The following NOTCH4 variants were observed in gnomAD, a reference collection of about 807,000 sequenced individuals.
NOTCH4 encodes the protein neurogenic locus notch homolog protein 4.
NOTCH4 carries 138 observed loss-of-function variants against 189.0 expected under a neutral mutation model. The ratio of observed to expected loss-of-function variants is 0.73; its 90% confidence interval spans 0.64 to 0.84. The LOEUF (loss-of-function observed/expected upper bound fraction) is 0.84. NOTCH4 is among the 40% of genes least tolerant of loss of function. NOTCH4 has a pLI of 0.00. For missense variants in NOTCH4, 2,286 were observed against 2,605.4 expected (o/e 0.88, Z 2.67); for synonymous variants, 942 against 1,032.8 (o/e 0.91, Z 1.69).
Position 32,202,449 on chromosome 6 carries a change from G to A in NOTCH4, c.3382C>T (p.Pro1128Ser), listed in dbSNP as rs1182280876. Residue 1128 changes from proline (P) to serine (S), a missense_variant, in exon 21 of 30, where the codon CCA (proline) becomes TCA (serine). Physicochemically the swap from Pro to Ser is moderately conservative, Grantham distance 74. Coordinates refer to ENST00000375023, the MANE Select transcript of NOTCH4 (RefSeq NM_004557.4). This position sits in a 1 kb window ranked among gnomAD's most constrained non-coding sequence, Gnocchi z 5.7. ...SGYGGPDCLTPPAPKGCGPPS... is the reference protein window; with the variant it reads ...SGYGGPDCLTSPAPKGCGPPS... ...GGGCCACAGCCTTTAGGAGCTGGTG[G>A]GGTCAGGCAGTCAGGACCCCCATAG... The A allele has an allele frequency of 6.2e-7, 1 of 1,612,186 alleles. No homozygotes were observed. Among genetic ancestry groups the A allele is most frequent in the African/African-American group, 1.3e-5 (1 of 74,904 alleles).
intron 18 of NOTCH4, among the ~76,000 whole-genome samples, chr6:32,205,980 T>A (rs112126052): frequency 0.053 from 8,059 of 151,862 alleles, 261 homozygotes; most frequent in African/African-American, 0.076. Flanking sequence ...GAGGTTGCAG[T>A]GAGCTGAGAT....
At position 32,195,722 on chromosome 6, in the gene NOTCH4, C is replaced by T. The variant is rs1582760731; in HGVS notation, c.5727G>A (p.Pro1909=). ...SLSGVGAGGG[P]TPRGRRFSAG... ...CAGAAAACCTACGGCCGCGAGGGGT[C>T]GGGCCTCCTCCTGCTCCTACTCCCG... The change falls in exon 30 of 30, where the codon CCG becomes CCA. Residue 1909 remains proline, a synonymous_variant. Coordinates refer to ENST00000375023, the MANE Select transcript of NOTCH4 (RefSeq NM_004557.4). This position sits in a 1 kb window ranked among gnomAD's most constrained non-coding sequence, Gnocchi z 5.4. 3 of 1,612,812 alleles carry T rather than the reference C, an allele frequency of 1.9e-6. No homozygotes were observed. The highest frequency in any genetic ancestry group is 2.5e-6 in the Non-Finnish European group (3 of 1,179,920).
Position 32,202,250 on chromosome 6 carries a change from G to C in NOTCH4, c.3581C>G (p.Pro1194Arg), listed in dbSNP as rs746443332. The C allele has an allele frequency of 6.4e-7, 1 of 1,572,252 alleles. No individual in the cohort carries two copies. Among genetic ancestry groups the C allele is most frequent in the Non-Finnish European group, 8.7e-7 (1 of 1,154,126 alleles). Residue 1194 changes from proline (P) to arginine (R), a missense_variant, in exon 21 of 30, where the codon CCG becomes CGG. Pro to Arg is a moderately radical substitution (Grantham distance 103). Transcript: ENST00000375023. This position sits in a 1 kb window ranked among gnomAD's most constrained non-coding sequence, Gnocchi z 5.7. ...DGACDAGCSG[P>R]GGNWDGGDCS... ...GTCCCCTCCATCCCAGTTTCCTCCC[G>C]GGCCACTGCAGCCAGCATCGCAGGC...
At position 32,206,034 on chromosome 6, in the gene NOTCH4, CT is replaced by C. The variant is rs1223174993; in HGVS notation, c.2866-1646del. On this transcript the variant is annotated intron_variant, in intron 18 of 29. Coordinates refer to ENST00000375023, the MANE Select transcript of NOTCH4 (RefSeq NM_004557.4). Reference sequence around the variant, plus strand: ...CCTGAGTGACAGAGCAAGACTCTGTCTCAAAAAAAAAAAGCTGTGGTTCTAT... The same window carrying C: ...CCTGAGTGACAGAGCAAGACTCTGTCCAAAAAAAAAAAGCTGTGGTTCTAT... 4.0e-5 allele frequency among the ~76,000 whole-genome samples: 6 copies of C among 148,192 alleles called. No homozygotes were observed. The East Asian group carries it at 1.2e-3, about 30-fold the overall frequency.
In NOTCH4 at chr6:32,201,187, G is replaced by C; in HGVS notation, c.4069C>G (p.Pro1357Ala). 1 of 1,612,900 alleles carries C rather than the reference G, an allele frequency of 6.2e-7. No individual in the cohort carries two copies. The highest frequency in any genetic ancestry group is 1.3e-5 in the African/African-American group (1 of 75,014). The change falls in exon 22 of 30, where the codon CCC (proline) becomes GCC (alanine). Residue 1357 changes from proline to alanine, a missense_variant. Pro to Ala is a conservative substitution (Grantham distance 27). Around this residue, in one of 2 missense-constraint regions of NOTCH4, gnomAD observed 1,903 missense variants for 2,261.9 expected, o/e 0.84. Coordinates refer to ENST00000375023, the MANE Select transcript of NOTCH4 (RefSeq NM_004557.4). The surrounding 1 kb of genome is among the most constrained non-coding windows in gnomAD (Gnocchi z 5.5). Reference protein sequence around the residue: ...AEEKLGGTRDPTYQERAAPQT... With the variant: ...AEEKLGGTRDATYQERAAPQT... ...GGGGCTGCTCTCTCCTGATAGGTGGGGTCCCGAGTTCCTCCTAGCTTTTCT... is the reference window on the plus strand; with the variant it reads ...GGGGCTGCTCTCTCCTGATAGGTGGCGTCCCGAGTTCCTCCTAGCTTTTCT...
chr6:32,212,194 C>G lies in NOTCH4; in HGVS notation c.2680+280G>C, dbSNP rs562278168. Among the ~76,000 whole-genome samples the G allele has an allele frequency of 6.6e-6, 1 of 152,128 alleles. No individual in the cohort carries two copies. The highest frequency in any genetic ancestry group is 1.9e-4 in the East Asian group (1 of 5,194). ...ATCAGGACAGAGTTGAGTTGCTCCACGTTGAGTCATGTCCCTCATGGTTGG... is the reference window on the plus strand; with the variant it reads ...ATCAGGACAGAGTTGAGTTGCTCCAGGTTGAGTCATGTCCCTCATGGTTGG... On this transcript the variant is annotated intron_variant, in intron 17 of 29. Coordinates refer to ENST00000375023, the MANE Select transcript of NOTCH4 (RefSeq NM_004557.4). The surrounding 1 kb of genome is among the most constrained non-coding windows in gnomAD (Gnocchi z 4.4).
Position 32,195,933 on chromosome 6 carries a change from G to C in NOTCH4, c.5516C>G (p.Pro1839Arg). Residue 1839 changes from proline to arginine, a missense_variant, in exon 30 of 30, where the codon CCC becomes CGC. By Grantham distance (103) the Pro-to-Arg change is moderately radical. Coordinates refer to ENST00000375023, the MANE Select transcript of NOTCH4 (RefSeq NM_004557.4). This position sits in a 1 kb window ranked among gnomAD's most constrained non-coding sequence, Gnocchi z 5.4. ...HKATPGREAG[P>R]FPRARTVSVS... is the part of the protein sequence containing the mutation. ...TGACACCGTCCGTGCGCGCGGGAAG[G>C]GCCCAGCCTCGCGGCCCGGCGTGGC... The C allele has an allele frequency of 6.3e-7, 1 of 1,588,964 alleles. No individual in the cohort carries two copies. Among genetic ancestry groups the C allele is most frequent in the Non-Finnish European group, 8.5e-7 (1 of 1,175,000 alleles).
chr6:32,201,429 T>C lies in NOTCH4; in HGVS notation c.3827A>G (p.Glu1276Gly). The C allele has an allele frequency of 6.5e-7, 1 of 1,546,994 alleles. No individual in the cohort carries two copies. Among genetic ancestry groups the C allele is most frequent in the Non-Finnish European group, 8.7e-7 (1 of 1,148,510 alleles). Residue 1276 changes from glutamate (E) to glycine (G), a missense_variant, in exon 22 of 30, where the codon GAG (glutamate) becomes GGG (glycine). Transcript: ENST00000375023. This position sits in a 1 kb window ranked among gnomAD's most constrained non-coding sequence, Gnocchi z 5.5. ...GHCEKGCNTA[E>G]CGWDGGDCRP... is the part of the protein sequence containing the mutation. ...GCAGTCACCTCCATCCCAGCCACAC[T>C]CTGCAGTGTTGCAGCCTTTCTCACA...
chr6:32,213,683 C>G lies in NOTCH4; in HGVS notation c.2320+5G>C. On this transcript the variant is annotated splice_donor_5th_base_variant and intron_variant, in intron 14 of 29. Transcript: ENST00000375023. ...CCCCAGCCCCATGACACAGTGGGCA[C>G]TCACCAGACACACAGTAGTCAGTGC... The G allele has an allele frequency of 6.2e-7, 1 of 1,612,726 alleles. No homozygotes were observed. Among genetic ancestry groups the G allele is most frequent in the Admixed American group, 1.7e-5 (1 of 59,998 alleles).
chr6:32,218,198 C>T, intron 8 of NOTCH4, 90 bp from the exon 9 acceptor site: 1 of 816,880 alleles, frequency 1.2e-6, no homozygotes, highest in Non-Finnish European at 2.1e-6. Flanking sequence ...CTGACTTGCC[C>T]CACTCAGGCG....
rs971761807 is a variant in NOTCH4 at position 32,194,957 on chromosome 6, G to A, written c.*480C>T. The stretch of plus-strand genomic sequence containing the variant: ...AGTGGAGTTCTTTGTTGTGAGGGGA[G>A]GGAATGCAAGGAGTCATCAGCGGGG... On this transcript the variant is annotated 3_prime_UTR_variant, in exon 30 of 30. Transcript: ENST00000375023. This position sits in a 1 kb window ranked among gnomAD's most constrained non-coding sequence, Gnocchi z 4.5. The A allele has an allele frequency of 8.0e-5, 19 of 237,034 alleles. No homozygotes were observed. Among genetic ancestry groups the A allele is most frequent in the Non-Finnish European group, 1.5e-4 (18 of 120,792 alleles). 14.7% of individuals were successfully genotyped at this position (237,034 alleles called of 1,614,324 possible).
chr6:32,196,654 G>A (rs1787951280), intron 28 of NOTCH4, among the ~76,000 whole-genome samples: 1 of 152,260 alleles, frequency 6.6e-6, no homozygotes, highest in Middle Eastern at 3.4e-3. Flanking sequence ...CCGGGAGACA[G>A]TCTCCCCCCA....
rs900740951 is a variant in NOTCH4 at position 32,197,032 on chromosome 6, G to A, written c.5093C>T (p.Thr1698Ile). The change falls in exon 28 of 30, where the codon ACA becomes ATA. Residue 1698 changes from threonine to isoleucine, a missense_variant. By Grantham distance (89) the Thr-to-Ile change is moderately conservative. Coordinates refer to ENST00000375023, the MANE Select transcript of NOTCH4 (RefSeq NM_004557.4). ...CATCAAGGGTGTGGTCCCGTCCTCT[G>A]TGCGAGCGTCCACTGCAGTTTGTCT... ...RSRQTAVDARTEDGTTPLMLA... is the reference protein window; with the variant it reads ...RSRQTAVDARIEDGTTPLMLA... 10 of 1,612,756 alleles carry A rather than the reference G, an allele frequency of 6.2e-6. No homozygotes were observed. Among genetic ancestry groups the A allele is most frequent in the Non-Finnish European group, 8.5e-6 (10 of 1,180,022 alleles).
Position 32,195,434 on chromosome 6 carries a change from C to A in NOTCH4, c.*3G>T, listed in dbSNP as rs1787801256. The A allele has an allele frequency of 6.3e-7, 1 of 1,578,014 alleles. No individual in the cohort carries two copies. Among genetic ancestry groups the A allele is most frequent in the Admixed American group, 1.8e-5 (1 of 54,868 alleles). ...TTGGAATTCCTCCCTACCATGTATT[C>A]TTCTATTTTTTACCCTCTCCTCCTT... is the stretch of plus-strand genomic sequence containing the variant. On this transcript the variant is annotated 3_prime_UTR_variant, in exon 30 of 30. Transcript: ENST00000375023. This position sits in a 1 kb window ranked among gnomAD's most constrained non-coding sequence, Gnocchi z 5.4.
In NOTCH4 at chr6:32,221,038, C is replaced by G. The variant is rs8192586; in HGVS notation, c.739G>C (p.Gly247Arg). ...TTCTCTGGCATCAGCTGGCAGGTGC[C>G]CCCATTCGAACAGCCCCTAGGAGGG... Reference protein sequence around the residue: ...PCPPRGCSNGGTCQLMPEKDS... With the variant: ...PCPPRGCSNGRTCQLMPEKDS... Residue 247 changes from glycine (G) to arginine (R), a missense_variant, in exon 4 of 30, where the codon GGC becomes CGC. By Grantham distance (125) the Gly-to-Arg change is moderately radical. This residue lies in a region of NOTCH4 where 1,903 missense variants were observed against 2,261.9 expected (regional missense o/e 0.84). Transcript: ENST00000375023. The surrounding 1 kb of genome is among the most constrained non-coding windows in gnomAD (Gnocchi z 4.3). 2.4e-3 allele frequency: 3,942 copies of G among 1,610,794 alleles called. 26 individuals are homozygous for G. Among genetic ancestry groups the G allele is most frequent in the African/African-American group, 0.017 (1,240 of 74,948 alleles).
At chr6:32,196,601 T>G (rs1399247477) in intron 28 of NOTCH4, among the ~76,000 whole-genome samples, 180 bp from the exon 29 acceptor site, 1 of 152,024 alleles carries the variant, frequency 6.6e-6, no homozygotes, top group Non-Finnish European at 1.5e-5. Context: ...ACGTCACCAG[T>G]GCGCGGGAGG....
At position 32,200,948 on chromosome 6, in the gene NOTCH4, G is replaced by A. The variant is rs1311075766; in HGVS notation, c.4198C>T (p.Arg1400Cys). The A allele has an allele frequency of 3.7e-6, 6 of 1,604,816 alleles. No individual in the cohort carries two copies. The highest frequency in any genetic ancestry group is 5.1e-6 in the Non-Finnish European group (6 of 1,175,958). ...AGAAGCCCAGGGTCCCAGGGACAGC[G>A]GGATGCCGGGTGGTCAGGGCCACAG... ...SRCGPDHPASRCPWDPGLLLR... is the reference protein window; with the variant it reads ...SRCGPDHPASCCPWDPGLLLR... Residue 1400 changes from arginine (R) to cysteine (C), a missense_variant, in exon 23 of 30, where the codon CGC becomes TGC. This residue lies in a region of NOTCH4 where 1,903 missense variants were observed against 2,261.9 expected (regional missense o/e 0.84). Coordinates refer to ENST00000375023, the MANE Select transcript of NOTCH4 (RefSeq NM_004557.4). This position sits in a 1 kb window ranked among gnomAD's most constrained non-coding sequence, Gnocchi z 5.0.
At position 32,222,610 on chromosome 6, in the gene NOTCH4, G is replaced by A. The variant is rs1344775133; in HGVS notation, c.352C>T (p.Leu118Phe). The A allele has an allele frequency of 1.2e-6, 2 of 1,603,258 alleles. No individual in the cohort carries two copies. Among genetic ancestry groups the A allele is most frequent in the Non-Finnish European group, 1.7e-6 (2 of 1,176,752 alleles). ...AAGGAGGGAGGACAAGGGTCTTCAA[G>A]CTTGGCCTGGCATCTCTCACCAGTG... Reference protein sequence around the residue: ...GFTGERCQAKLEDPCPPSFCS... With the variant: ...GFTGERCQAKFEDPCPPSFCS... Residue 118 changes from leucine to phenylalanine, a missense_variant, in exon 3 of 30, where the codon CTT (leucine) becomes TTT (phenylalanine). Around this residue, in one of 2 missense-constraint regions of NOTCH4, gnomAD observed 1,903 missense variants for 2,261.9 expected, o/e 0.84. Coordinates refer to ENST00000375023, the MANE Select transcript of NOTCH4 (RefSeq NM_004557.4).
At chr6:32,203,914 A>G (rs771024466) in intron 19 of NOTCH4, 32 bp from the exon 20 acceptor site, 1 of 1,524,618 alleles carries the variant, frequency 6.6e-7, no homozygotes, top group Non-Finnish European at 8.9e-7. Context: ...GATGTCACAC[A>G]CTGCATCAGT....
Sources: gnomAD v4.1 joint callset for allele counts (sites outside exome capture counted in the v4.1 genomes callset) on GRCh38, gnomAD v4.1.1 for gene constraint, gnomAD v4.1.1 regional missense constraint, Gnocchi (gnomAD v3.1) non-coding constraint, MANE v1.5 for transcripts, NCBI Gene and HGNC (gene_info 2026-07-23, HGNC 2026-07-21) for gene names.